CPNE8: variants seen among roughly 807,000 people sequenced by gnomAD.
CPNE8 encodes the protein copine-8.
A neutral mutation model predicts 81.5 loss-of-function variants in CPNE8; 45 were observed. That is an observed-to-expected ratio of 0.55 (90% CI 0.44 to 0.71). CPNE8 has a LOEUF of 0.71. Ranked by LOEUF, CPNE8 falls within the 30% of genes least tolerant of loss-of-function variation. The pLI is 0.00. For synonymous variants in CPNE8, 252 were observed against 226.3 expected, an observed-to-expected ratio of 1.11 and a Z score of -1.02; for missense variants, 594 against 672.1, an observed-to-expected ratio of 0.88 and a Z score of 1.28.
At chr12:38,679,664 C>G in intron 16 of CPNE8, 2 of 984,968 alleles carry the variant, frequency 2.0e-6, no homozygotes, top group Non-Finnish European at 2.4e-6. Flanking sequence ...GTTGTTGCTT[C>G]TTTGGCACTT....
intron 6 of CPNE8, among the ~76,000 whole-genome samples, chr12:38,798,217 T>G (rs1427182631): frequency 6.6e-6 from 1 of 151,976 alleles, no homozygotes; most frequent in Non-Finnish European, 1.5e-5. Flanking sequence ...AGATACTCCT[T>G]GAGAAGAGCA....
intron 19 of CPNE8, among the ~76,000 whole-genome samples, chr12:38,658,530 A>G (rs1366447701): frequency 6.6e-6 from 1 of 152,166 alleles, no homozygotes; most frequent in Non-Finnish European, 1.5e-5. Context: ...CCAACATTCA[A>G]ATTCAGGAAA....
intron 6 of CPNE8, among the ~76,000 whole-genome samples, chr12:38,780,147 G>A (rs141016159): frequency 9.0e-4 from 137 of 152,002 alleles, no homozygotes; most frequent in African/African-American, 2.6e-3. Context: ...TAGTTTTCTC[G>A]GCACCATTTA....
chr12:38,872,867 C>A, intron 3 of CPNE8, 137 bp downstream of exon 3: 1 of 618,986 alleles, frequency 1.6e-6, no homozygotes, highest in Non-Finnish European at 2.8e-6. Flanking sequence ...ACAAAGGTAA[C>A]TTTCCTAAGA....
At chr12:38,796,366 T>C (rs925523567) in intron 6 of CPNE8, among the ~76,000 whole-genome samples, 1 of 151,792 alleles carries the variant, frequency 6.6e-6, no homozygotes, top group Non-Finnish European at 1.5e-5. Context: ...ATAATGCAAA[T>C]TTAGGGCAAT....
At chr12:38,848,477 G>A in intron 4 of CPNE8, 82 bp downstream of exon 4, 2 of 1,445,004 alleles carry the variant, frequency 1.4e-6, no homozygotes, top group Non-Finnish European at 1.8e-6. Context: ...AGAACTCAGT[G>A]CAACCATAGG....
chr12:38,792,302 T>C (rs1942345099), intron 6 of CPNE8, among the ~76,000 whole-genome samples: 1 of 150,870 alleles, frequency 6.6e-6, no homozygotes, highest in Admixed American at 6.6e-5. Context: ...TAAGAGTTTT[T>C]TTTTTTAAAG....
chr12:38,661,987 A>G (rs535094054), intron 19 of CPNE8, among the ~76,000 whole-genome samples: 2 of 152,244 alleles, frequency 1.3e-5, no homozygotes, highest in South Asian at 4.1e-4. Flanking sequence ...TCTGTAAATT[A>G]GGTATAGAAG....
chr12:38,798,507 G>T lies in CPNE8; in HGVS notation c.408-22206C>A, dbSNP rs372919280. On this transcript the variant is annotated intron_variant, in intron 6 of 19. Transcript: ENST00000331366. ...TACAGACAAGCAAATGCTGAGAGAT[G>T]TTGTCACCACCAGGCCTGCCCTAAA... is the stretch of plus-strand genomic sequence containing the variant. Among the ~76,000 whole-genome samples the T allele has an allele frequency of 6.2e-3, 950 of 152,094 alleles. 14 individuals are homozygous for T. Among genetic ancestry groups the T allele is most frequent in the African/African-American group, 0.021 (881 of 41,494 alleles).
At chr12:38,725,007 T>C in intron 11 of CPNE8, 108 bp from the exon 12 acceptor site, 2 of 968,654 alleles carry the variant, frequency 2.1e-6, no homozygotes, top group South Asian at 1.4e-5. Context: ...TTCTTATGCA[T>C]GTATTCATTT....
chr12:38,840,437 G>A (rs1457014456), intron 4 of CPNE8, among the ~76,000 whole-genome samples: 3 of 152,088 alleles, frequency 2.0e-5, no homozygotes, highest in Non-Finnish European at 4.4e-5. Flanking sequence ...GATATTGCAA[G>A]ATGTTGCTAC....
At chr12:38,712,807 C>A (rs1481769270) in intron 13 of CPNE8, among the ~76,000 whole-genome samples, 2 of 152,016 alleles carry the variant, frequency 1.3e-5, no homozygotes, top group African/African-American at 4.8e-5. Flanking sequence ...TGGGGTTATC[C>A]TCAAATAGAA....
chr12:38,877,457 T>C (rs1450025211), intron 1 of CPNE8, among the ~76,000 whole-genome samples: 2 of 152,068 alleles, frequency 1.3e-5, no homozygotes, highest in Non-Finnish European at 2.9e-5. Flanking sequence ...TGTAACTTTG[T>C]TCCTACCATT....
At chr12:38,814,282 G>T (rs1462135936) in intron 6 of CPNE8, among the ~76,000 whole-genome samples, 1 of 141,782 alleles carries the variant, frequency 7.1e-6, no homozygotes, top group East Asian at 2.1e-4. Context: ...TAAAAAAACT[G>T]AAGAAAGTTT....
chr12:38,793,136 C>T (rs1592093335), intron 6 of CPNE8, among the ~76,000 whole-genome samples: 1 of 151,914 alleles, frequency 6.6e-6, no homozygotes, highest in East Asian at 1.9e-4. Context: ...TGGTGAAAGA[C>T]TGAAAGACTT....
At chr12:38,768,484 A>G (rs541208693) in intron 7 of CPNE8, among the ~76,000 whole-genome samples, 1 of 152,174 alleles carries the variant, frequency 6.6e-6, no homozygotes, top group African/African-American at 2.4e-5. Context: ...ATCAAAATAA[A>G]TAGTTTTGTG....
chr12:38,843,027 A>G (rs1299267566), intron 4 of CPNE8, among the ~76,000 whole-genome samples: 1 of 152,176 alleles, frequency 6.6e-6, no homozygotes, highest in Non-Finnish European at 1.5e-5. Context: ...ATCTGTTTAT[A>G]AGTTCCATAC....
At chr12:38,709,247 C>T (rs1940187419) in intron 13 of CPNE8, among the ~76,000 whole-genome samples, 1 of 152,208 alleles carries the variant, frequency 6.6e-6, no homozygotes, top group Non-Finnish European at 1.5e-5. Context: ...TCACCATGGG[C>T]TAAACCCTGA....
intron 10 of CPNE8, among the ~76,000 whole-genome samples, chr12:38,742,125 A>G (rs1941121376): frequency 6.6e-6 from 1 of 152,186 alleles, no homozygotes; most frequent in South Asian, 2.1e-4. Flanking sequence ...GCGATTCCTT[A>G]GGGATCTAGA....
Sources: allele counts gnomAD v4.1 joint callset (sites outside exome capture counted in the v4.1 genomes callset), GRCh38; gene constraint gnomAD v4.1.1; transcripts MANE v1.5; gene names NCBI Gene and HGNC (gene_info 2026-07-23, HGNC 2026-07-21).